Variants in VEZT observed in about 807,000 individuals in gnomAD.
VEZT encodes vezatin.
VEZT carries 39 observed loss-of-function variants against 79.9 expected under a neutral mutation model. The ratio of observed to expected loss-of-function variants is 0.49; its 90% CI spans 0.38 to 0.64. The LOEUF (loss-of-function observed/expected upper bound fraction) is 0.64, where lower values mean the gene tolerates loss of function less well. VEZT is among the 30% of genes least tolerant of loss of function. VEZT has a pLI of 0.00. For missense variants in VEZT, 837 were observed against 893.1 expected (o/e 0.94, Z 0.80); for synonymous variants, 325 against 327.6 (o/e 0.99, Z 0.09).
chr12:95,253,201 TTCTAG>T (rs1304592501), intron 2 of VEZT, among the ~76,000 whole-genome samples: 2 of 152,238 alleles, frequency 1.3e-5, no homozygotes, highest in African/African-American at 4.8e-5. Flanking sequence ...TCCTTGAGCA[TTCTAG>T]TTTAATCAGT....
chr12:95,295,827 A>G (rs1262309006), intron 10 of VEZT, among the ~76,000 whole-genome samples: 3 of 152,202 alleles, frequency 2.0e-5, no homozygotes, highest in South Asian at 2.1e-4. Flanking sequence ...AACTTTTTTT[A>G]TCCACAATGC....
At chr12:95,236,242 G>A (rs1360342897) in intron 1 of VEZT, among the ~76,000 whole-genome samples, 11 of 152,162 alleles carry the variant, frequency 7.2e-5, no homozygotes, top group Admixed American at 1.3e-4. Context: ...CCAACACAGC[G>A]AAACCCCGTC....
chr12:95,234,067 G>T (rs1415423606), intron 1 of VEZT, among the ~76,000 whole-genome samples: 1 of 152,058 alleles, frequency 6.6e-6, no homozygotes, highest in Non-Finnish European at 1.5e-5. Flanking sequence ...CAACTAATAG[G>T]TAAAAATTGT....
intron 7 of VEZT, among the ~76,000 whole-genome samples, chr12:95,278,839 C>T (rs376100032): frequency 2.0e-5 from 3 of 152,324 alleles, no homozygotes; most frequent in East Asian, 1.9e-4. Context: ...GAGGCCAAGG[C>T]GGGCGGATCA....
chr12:95,258,293 T>C, intron 3 of VEZT: 1 of 455,860 alleles, frequency 2.2e-6, no homozygotes, highest in South Asian at 1.6e-5. Context: ...GTAAGGTATA[T>C]GGATCCATAT....
At chr12:95,290,609 G>A (rs557169430) in intron 9 of VEZT, 2 of 152,278 alleles carry the variant, frequency 1.3e-5, no homozygotes, top group Admixed American at 1.3e-4. Flanking sequence ...AAACAGATCA[G>A]TAGTTGCAAG....
intron 1 of VEZT, among the ~76,000 whole-genome samples, chr12:95,228,147 T>C (rs10859854): frequency 0.75 from 113,843 of 152,210 alleles, 43,554 homozygotes; most frequent in African/African-American, 0.92. Context: ...GTTAACCCTT[T>C]GTTGGCAGTA....
rs183337000 is a variant in VEZT at position 95,237,390 on chromosome 12, G to T, written c.37-14550G>T. 3.8e-4 allele frequency among the ~76,000 whole-genome samples: 58 copies of T among 152,272 alleles called. 1 individual carries two copies. The East Asian group carries it at 0.01, about 27-fold the overall frequency. ...TTAGTACTGCTGTTGTTTGTGGGGA[G>T]ATGGGTGGAAAAGAAATCAACCAAC... On this transcript the variant is annotated intron_variant, in intron 1 of 11. Transcript: ENST00000436874.
intron 1 of VEZT, among the ~76,000 whole-genome samples, chr12:95,220,347 C>T (rs1438411443): frequency 2.6e-5 from 4 of 152,172 alleles, no homozygotes; most frequent in East Asian, 1.9e-4. Flanking sequence ...CCCAGCTACT[C>T]GGGAGGCTGA....
intron 2 of VEZT, among the ~76,000 whole-genome samples, chr12:95,254,253 A>G (rs2063082990): frequency 6.6e-6 from 1 of 151,658 alleles, no homozygotes; most frequent in Non-Finnish European, 1.5e-5. Context: ...TTGGCCTTAC[A>G]GATGTGAGCC....
chr12:95,231,406 T>G (rs1244172191), intron 1 of VEZT: 1 of 152,144 alleles, frequency 6.6e-6, no homozygotes, highest in Non-Finnish European at 1.5e-5. Flanking sequence ...TCCAATTCAG[T>G]GGCCATTTTG....
At chr12:95,244,141 A>T (rs2061420258) in intron 1 of VEZT, 1 of 358,496 alleles carries the variant, frequency 2.8e-6, no homozygotes, top group African/African-American at 2.1e-5. Context: ...TACACCTATA[A>T]TCCCAGTGCT....
chr12:95,227,984 C>T (rs1200454459), intron 1 of VEZT, among the ~76,000 whole-genome samples: 1 of 152,128 alleles, frequency 6.6e-6, no homozygotes, highest in Non-Finnish European at 1.5e-5. Context: ...TAACCTTATC[C>T]TCTGTAGGTG....
In VEZT at chr12:95,287,854, A is replaced by G. The variant is rs776942799; in HGVS notation, c.1519A>G (p.Lys507Glu). 3.1e-5 allele frequency: 50 copies of G among 1,587,524 alleles called. No homozygotes were observed. The African/African-American group carries it at 6.2e-4, about 20-fold the overall frequency. The change falls in exon 9 of 12, where the codon AAA becomes GAA. Residue 507 changes from lysine to glutamate, a missense_variant. Lys to Glu is a moderately conservative substitution (Grantham distance 56, BLOSUM62 1). Coordinates refer to ENST00000436874, the MANE Select transcript of VEZT (RefSeq NM_017599.4). ...DKLLRRNTDK[K>E]GKPEIACENP... The stretch of plus-strand genomic sequence containing the variant: ...ACTGCTACGAAGAAATACAGATAAA[A>G]AAGGTACCTGTGAGAGATTTCTTTG...
chr12:95,227,418 G>T (rs2058658675), intron 1 of VEZT, among the ~76,000 whole-genome samples: 1 of 147,770 alleles, frequency 6.8e-6, no homozygotes, highest in Non-Finnish European at 1.5e-5. Flanking sequence ...TCGGGTCACT[G>T]CAACCTCCAC....
At chr12:95,243,049 A>C (rs975373624) in intron 1 of VEZT, among the ~76,000 whole-genome samples, 3 of 152,148 alleles carry the variant, frequency 2.0e-5, no homozygotes, top group Non-Finnish European at 4.4e-5. Flanking sequence ...TAGACCTTAA[A>C]AATGTATTTT....
Position 95,274,735 on chromosome 12 carries a change from A to C in VEZT, c.849-7A>C. 2 of 1,607,112 alleles carry C rather than the reference A, an allele frequency of 1.2e-6. No homozygotes were observed. Among genetic ancestry groups the C allele is most frequent in the South Asian group, 2.2e-5 (2 of 89,366 alleles). ...AGGCTTTGTTGATTGCCTTAACCTA[A>C]TTTAACCTACCCCCTGAACTCTGAG... On this transcript the variant is annotated splice_region_variant and splice_polypyrimidine_tract_variant and intron_variant, in intron 6 of 11. Transcript: ENST00000436874.
chr12:95,248,763 G>A (rs1294143147), intron 1 of VEZT, among the ~76,000 whole-genome samples: 1 of 150,462 alleles, frequency 6.6e-6, no homozygotes, highest in African/African-American at 2.4e-5. Context: ...TGAAGCCAGA[G>A]GATAGCTTGA....
At chr12:95,254,599 G>GGCCT (rs1412524102) in intron 2 of VEZT, among the ~76,000 whole-genome samples, 1 of 151,910 alleles carries the variant, frequency 6.6e-6, no homozygotes, top group African/African-American at 2.4e-5. Context: ...CGCCTACCTT[G>GGCCT]GCCTAAACTG....
Sources: gnomAD v4.1 joint callset for allele counts (sites outside exome capture counted in the v4.1 genomes callset) on GRCh38, gnomAD v4.1.1 for gene constraint, MANE v1.5 for transcripts, NCBI Gene and HGNC (gene_info 2026-07-23, HGNC 2026-07-21) for gene names.